SLC8A1: variants seen among roughly 807,000 people sequenced by gnomAD.
SLC8A1 encodes sodium/calcium exchanger 1.
In SLC8A1, 18 loss-of-function variants were observed where a neutral mutation model predicts 68.3. The observed-to-expected ratio is 0.26, with a 90% CI of 0.18 to 0.39. SLC8A1 has a LOEUF of 0.39. Ranked by LOEUF, SLC8A1 falls within the 10% of genes least tolerant of loss-of-function variation. SLC8A1 has a pLI of 1.00. For synonymous variants in SLC8A1, 475 were observed against 415.5 expected, an observed-to-expected ratio of 1.14 and a Z score of -1.74; for missense variants, 985 against 1,156.7, an observed-to-expected ratio of 0.85 and a Z score of 2.15.
intron 2 of SLC8A1, among the ~76,000 whole-genome samples, chr2:40,229,788 T>C (rs1233381467): frequency 3.3e-5 from 5 of 152,192 alleles, no homozygotes; most frequent in Non-Finnish European, 7.3e-5. Flanking sequence ...CTTCCTGTAT[T>C]GTGTGCTTGG....
chr2:40,200,005 C>G (rs968774094), intron 2 of SLC8A1, among the ~76,000 whole-genome samples: 1 of 148,030 alleles, frequency 6.8e-6, no homozygotes, highest in Non-Finnish European at 1.5e-5. Context: ...AGAGATCACA[C>G]TAATGCTCCT....
chr2:40,264,101 G>T (rs2065050228), intron 2 of SLC8A1, among the ~76,000 whole-genome samples: 1 of 152,130 alleles, frequency 6.6e-6, no homozygotes, highest in Non-Finnish European at 1.5e-5. Flanking sequence ...ATGAAAAAAT[G>T]CTCATCATCA....
At chr2:40,339,172 G>C (rs752790546) in intron 2 of SLC8A1, among the ~76,000 whole-genome samples, 1 of 152,164 alleles carries the variant, frequency 6.6e-6, no homozygotes, top group Non-Finnish European at 1.5e-5. Flanking sequence ...TTAGTTCTTA[G>C]TAAGCATTGA....
chr2:40,261,814 G>T (rs1016654130), intron 2 of SLC8A1, among the ~76,000 whole-genome samples: 3 of 152,154 alleles, frequency 2.0e-5, no homozygotes, highest in Admixed American at 1.3e-4. Context: ...AAGAGAAAGA[G>T]AAAATGATGA....
At chr2:40,153,301 A>G (rs1370360276) in intron 6 of SLC8A1, among the ~76,000 whole-genome samples, 1 of 152,162 alleles carries the variant, frequency 6.6e-6, no homozygotes, top group Non-Finnish European at 1.5e-5. Flanking sequence ...ATCTCTTCTA[A>G]TGCTATTAAC....
At chr2:40,307,228 A>G (rs556677675) in intron 2 of SLC8A1, among the ~76,000 whole-genome samples, 1 of 152,206 alleles carries the variant, frequency 6.6e-6, no homozygotes, top group Admixed American at 6.5e-5. Flanking sequence ...TTAAAAAAGG[A>G]AGAAATCCCT....
At chr2:40,286,832 A>G (rs2149212103) in intron 2 of SLC8A1, among the ~76,000 whole-genome samples, 1 of 152,312 alleles carries the variant, frequency 6.6e-6, no homozygotes, top group East Asian at 1.9e-4. Context: ...TATACATCAC[A>G]TGTGCTTGAT....
chr2:40,258,241 G>C (rs1038068123), intron 2 of SLC8A1, among the ~76,000 whole-genome samples: 1 of 152,186 alleles, frequency 6.6e-6, no homozygotes, highest in African/African-American at 2.4e-5. Context: ...GTAGTGCTCA[G>C]CAATTTGTTC....
At chr2:40,193,759 AGG>A (rs1385011260) in intron 2 of SLC8A1, among the ~76,000 whole-genome samples, 5 of 152,064 alleles carry the variant, frequency 3.3e-5, no homozygotes, top group Non-Finnish European at 7.4e-5. Flanking sequence ...AGTGAAGGAG[AGG>A]GGGCAGGGAA....
intron 4 of SLC8A1, chr2:40,174,720 C>T (rs1188117057): frequency 3.2e-6 from 5 of 1,540,440 alleles, no homozygotes; most frequent in Non-Finnish European, 3.6e-6. Context: ...CAGGTATTTT[C>T]CTTCATTAAA....
At chr2:40,447,039 C>G (rs1315027256) in intron 1 of SLC8A1, among the ~76,000 whole-genome samples, 1 of 152,126 alleles carries the variant, frequency 6.6e-6, no homozygotes, top group African/African-American at 2.4e-5. Context: ...ATTAATTGTT[C>G]TCACTTACCA....
chr2:40,137,344 CAA>C (rs995948438), intron 7 of SLC8A1, among the ~76,000 whole-genome samples: 19 of 152,200 alleles, frequency 1.2e-4, no homozygotes, highest in African/African-American at 3.6e-4. Flanking sequence ...CTTTTGAAAA[CAA>C]GAGATGTATT....
intron 2 of SLC8A1, among the ~76,000 whole-genome samples, chr2:40,337,627 T>C (rs1360313276): frequency 1.3e-5 from 2 of 152,190 alleles, no homozygotes; most frequent in African/African-American, 4.8e-5. Flanking sequence ...CTGTATACTT[T>C]AACCACAATC....
intron 2 of SLC8A1, among the ~76,000 whole-genome samples, chr2:40,390,241 C>G (rs1684857067): frequency 2.0e-5 from 3 of 152,040 alleles, no homozygotes; most frequent in Admixed American, 1.3e-4. Context: ...CACCGACATT[C>G]CTTAAGGAGC....
chr2:40,244,255 C>T (rs968513242), intron 2 of SLC8A1, among the ~76,000 whole-genome samples: 6 of 152,104 alleles, frequency 3.9e-5, no homozygotes, highest in African/African-American at 1.4e-4. Context: ...AGGAAAGCGT[C>T]AGTGCACATG....
intron 2 of SLC8A1, among the ~76,000 whole-genome samples, chr2:40,247,525 C>T (rs1432822179): frequency 6.6e-6 from 1 of 151,996 alleles, no homozygotes; most frequent in African/African-American, 2.4e-5. Flanking sequence ...CTTCCTTATG[C>T]TAGAGCACCA....
intron 2 of SLC8A1, among the ~76,000 whole-genome samples, chr2:40,300,760 C>G (rs1041014315): frequency 6.6e-6 from 1 of 152,002 alleles, no homozygotes; most frequent in Admixed American, 6.6e-5. Flanking sequence ...CACCAGCAGC[C>G]GTTGAGAAAT....
At chr2:40,170,432 C>A (rs946282792) in intron 4 of SLC8A1, 83 bp from the exon 7 acceptor site, 4 of 1,159,896 alleles carry the variant, frequency 3.4e-6, no homozygotes, top group East Asian at 4.8e-5. Context: ...GTAAGCTAAA[C>A]ATCACACCCA....
intron 7 of SLC8A1, 72 bp downstream of exon 10, chr2:40,139,329 T>C: frequency 1.3e-6 from 2 of 1,543,028 alleles, no homozygotes; most frequent in Non-Finnish European, 1.8e-6. Context: ...CTTGAAATTG[T>C]AGGAAAGAAA....
Sources: allele counts gnomAD v4.1 joint callset (sites outside exome capture counted in the v4.1 genomes callset), GRCh38; gene constraint gnomAD v4.1.1; transcripts MANE v1.5; gene names NCBI Gene and HGNC (gene_info 2026-07-23, HGNC 2026-07-21).